Variants in CNTN5 observed in about 807,000 individuals in gnomAD.
The protein encoded by CNTN5 is contactin-5.
CNTN5 carries 77 observed loss-of-function variants against 129.1 expected under a neutral mutation model. The observed-to-expected ratio is 0.60, with a 90% CI of 0.50 to 0.72. CNTN5 has a LOEUF of 0.72. CNTN5 is among the 30% of genes least tolerant of loss of function. The probability of loss-of-function intolerance (pLI) is 0.00; values close to 1 mark genes in which losing one functional copy is unlikely to be tolerated. For synonymous variants in CNTN5, 509 were observed against 465.6 expected (o/e 1.09, Z -1.20); for missense variants, 1,478 against 1,328.8 (o/e 1.11, Z -1.75).
intron 24 of CNTN5, among the ~76,000 whole-genome samples, chr11:100,354,402 AT>A (rs1952480335): frequency 6.6e-6 from 1 of 151,608 alleles, no homozygotes; most frequent in East Asian, 1.9e-4. Context: ...ATTCTAATAT[AT>A]TAGCTGCATA....
intron 4 of CNTN5, among the ~76,000 whole-genome samples, chr11:99,836,124 G>GTT (rs796348652): frequency 2.2e-4 from 29 of 134,654 alleles, no homozygotes; most frequent in African/African-American, 5.7e-4. Flanking sequence ...GCCTCCCCTT[G>GTT]TTTTTTTTTT....
chr11:99,715,150 T>G (rs1170644541), intron 3 of CNTN5, among the ~76,000 whole-genome samples: 1 of 151,976 alleles, frequency 6.6e-6, no homozygotes, highest in Non-Finnish European at 1.5e-5. Context: ...GAAATTTTAT[T>G]TGTAATAGCA....
chr11:100,034,620 G>C (rs754942394), intron 9 of CNTN5, among the ~76,000 whole-genome samples: 1 of 152,142 alleles, frequency 6.6e-6, no homozygotes, highest in Non-Finnish European at 1.5e-5. Flanking sequence ...CTGTTTTCAC[G>C]AAACAGGTTT....
chr11:99,171,074 TC>T (rs1451728825), intron 1 of CNTN5, among the ~76,000 whole-genome samples: 4 of 152,192 alleles, frequency 2.6e-5, no homozygotes, highest in African/African-American at 9.7e-5. Flanking sequence ...AGTTTTTTTT[TC>T]TTACCTAACT....
intron 13 of CNTN5, among the ~76,000 whole-genome samples, chr11:100,175,383 G>A (rs1591356603): frequency 6.6e-6 from 1 of 151,846 alleles, no homozygotes; most frequent in Non-Finnish European, 1.5e-5. Context: ...AAATACTAAG[G>A]GCTTAATAAA....
chr11:99,351,945 ATTC>A (rs775768045), intron 2 of CNTN5, among the ~76,000 whole-genome samples: 4 of 152,194 alleles, frequency 2.6e-5, no homozygotes, highest in Non-Finnish European at 4.4e-5. Flanking sequence ...AAGATTTTTT[ATTC>A]TTCTGCCAAA....
At chr11:100,319,153 C>CTTTTTTTTTT (rs1291858718) in intron 21 of CNTN5, among the ~76,000 whole-genome samples, 1 of 137,394 alleles carries the variant, frequency 7.3e-6, no homozygotes. Flanking sequence ...TTTTTCTTTT[C>CTTTTTTTTTT]TTTTTTTTTT....
chr11:99,115,565 G>C (rs930698791), intron 1 of CNTN5, among the ~76,000 whole-genome samples: 1 of 152,060 alleles, frequency 6.6e-6, no homozygotes, highest in Non-Finnish European at 1.5e-5. Context: ...TTTGAGACCA[G>C]CCTGGCCAAC....
chr11:99,283,480 T>C (rs1863793070), intron 1 of CNTN5, among the ~76,000 whole-genome samples: 1 of 152,088 alleles, frequency 6.6e-6, no homozygotes, highest in Non-Finnish European at 1.5e-5. Flanking sequence ...AGGAAAAAGA[T>C]CTGAATAGTT....
chr11:99,314,209 TG>T (rs1283246428), intron 1 of CNTN5, among the ~76,000 whole-genome samples: 1 of 152,082 alleles, frequency 6.6e-6, no homozygotes, highest in African/African-American at 2.4e-5. Flanking sequence ...CATGTAAATT[TG>T]CTGAACAATA....
chr11:100,093,525 C>A (rs1181863807), intron 13 of CNTN5, among the ~76,000 whole-genome samples: 1 of 152,060 alleles, frequency 6.6e-6, no homozygotes, highest in Non-Finnish European at 1.5e-5. Flanking sequence ...CTTCAACCTC[C>A]CAAAGTTCTG....
At chr11:99,798,693 A>G (rs1047348460) in intron 3 of CNTN5, among the ~76,000 whole-genome samples, 4 of 152,050 alleles carry the variant, frequency 2.6e-5, no homozygotes, top group Admixed American at 1.3e-4. Flanking sequence ...GAAGTCAGGT[A>G]TTGTGGTGCC....
intron 8 of CNTN5, among the ~76,000 whole-genome samples, chr11:99,973,596 T>G (rs1297893170): frequency 6.6e-6 from 1 of 152,222 alleles, no homozygotes; most frequent in Non-Finnish European, 1.5e-5. Flanking sequence ...TGAATCATTT[T>G]AAATGATTTC....
At chr11:99,971,861 A>G (rs1385263764) in intron 8 of CNTN5, among the ~76,000 whole-genome samples, 1 of 151,558 alleles carries the variant, frequency 6.6e-6, no homozygotes, top group East Asian at 1.9e-4. Flanking sequence ...AAAAGATTTT[A>G]AAAGTCTGCA....
rs546311706 is a variant in CNTN5 at position 100,093,985 on chromosome 11, T to G, written c.1580+19691T>G. On this transcript the variant is annotated intron_variant, in intron 13 of 24. Coordinates refer to ENST00000524871, the MANE Select transcript of CNTN5 (RefSeq NM_014361.4). ...TACCAATTAACTCAAATTATGCAGG[T>G]TATTCATAACTGTGTCGGATCCTTT... Among the ~76,000 whole-genome samples, 13 of 152,228 alleles carry G rather than the reference T, an allele frequency of 8.5e-5. No individual in the cohort carries two copies. In the South Asian group the frequency reaches 1.5e-3, roughly 17 times the overall value.
At chr11:99,134,953 CA>C (rs1859143133) in intron 1 of CNTN5, among the ~76,000 whole-genome samples, 1 of 152,178 alleles carries the variant, frequency 6.6e-6, no homozygotes, top group East Asian at 1.9e-4. Context: ...AATCTCCTAT[CA>C]GTAGTATAAT....
intron 2 of CNTN5, among the ~76,000 whole-genome samples, chr11:99,444,208 GAGAGAGAGAGAGAA>G (rs954131820): frequency 3.3e-5 from 5 of 151,320 alleles, no homozygotes; most frequent in Non-Finnish European, 5.9e-5. Context: ...CAAAAAGAAA[GAGAGAGAGAGAGAA>G]AGAGAGAGAG....
intron 6 of CNTN5, among the ~76,000 whole-genome samples, chr11:99,881,080 A>G (rs79164716): frequency 0.014 from 2,156 of 152,294 alleles, 55 homozygotes; most frequent in African/African-American, 0.047. Context: ...GCACACATCT[A>G]TGATTTATTG....
chr11:99,055,526 T>C (rs965478230), intron 1 of CNTN5, among the ~76,000 whole-genome samples: 6 of 151,922 alleles, frequency 3.9e-5, no homozygotes, highest in African/African-American at 1.4e-4. Flanking sequence ...GACGTGCCCA[T>C]TGGCTTTGGC....
Sources: gnomAD v4.1 joint callset for allele counts (sites outside exome capture counted in the v4.1 genomes callset) on GRCh38, gnomAD v4.1.1 for gene constraint, MANE v1.5 for transcripts, NCBI Gene and HGNC (gene_info 2026-07-23, HGNC 2026-07-21) for gene names.